RARB: variants seen among roughly 807,000 people sequenced by gnomAD.
RARB encodes HBV-activated protein.
RARB carries 17 observed loss-of-function variants against 51.9 expected under a neutral mutation model. That is an observed-to-expected ratio of 0.33 (90% CI 0.22 to 0.49). The LOEUF (loss-of-function observed/expected upper bound fraction) is 0.49. Ranked by LOEUF, RARB falls within the 20% of genes least tolerant of loss-of-function variation. The pLI, the probability that RARB is intolerant of heterozygous loss-of-function variation, is 0.99. For missense variants in RARB, 369 were observed against 550.8 expected, an observed-to-expected ratio of 0.67 and a Z score of 3.30; for synonymous variants, 215 against 195.4, an observed-to-expected ratio of 1.10 and a Z score of -0.84.
intron 5 of RARB, among the ~76,000 whole-genome samples, chr3:25,209,458 T>A (rs372367680): frequency 6.6e-6 from 1 of 152,242 alleles, no homozygotes; most frequent in African/African-American, 2.4e-5. Context: ...TCATACTTCA[T>A]GTCCATGAAG....
At chr3:25,409,233 GA>G (rs1393351670) in intron 5 of RARB, among the ~76,000 whole-genome samples, 1 of 151,798 alleles carries the variant, frequency 6.6e-6, no homozygotes, top group Admixed American at 6.6e-5. Flanking sequence ...ACTGACATAA[GA>G]AAAAAAATTT....
chr3:25,091,263 C>T (rs970820955), intron 3 of RARB, among the ~76,000 whole-genome samples: 4 of 152,120 alleles, frequency 2.6e-5, no homozygotes, highest in South Asian at 2.1e-4. Context: ...TGTCTGGATG[C>T]CTTCTGAGGT....
At chr3:25,243,316 A>T (rs983490973) in intron 5 of RARB, among the ~76,000 whole-genome samples, 8 of 152,126 alleles carry the variant, frequency 5.3e-5, no homozygotes, top group Non-Finnish European at 1.2e-4. Context: ...CTCTTGCCTG[A>T]TTGCCCTGAC....
chr3:24,856,220 C>T (rs1702632601), intron 1 of RARB, among the ~76,000 whole-genome samples: 1 of 152,098 alleles, frequency 6.6e-6, no homozygotes, highest in Non-Finnish European at 1.5e-5. Context: ...GCTCTAAGAC[C>T]TTCCCCCAAA....
At chr3:25,398,380 G>A (rs1015686293) in intron 5 of RARB, among the ~76,000 whole-genome samples, 1 of 152,098 alleles carries the variant, frequency 6.6e-6, no homozygotes, top group Non-Finnish European at 1.5e-5. Context: ...GCCACAATAA[G>A]GCTTTTAAAA....
intron 2 of RARB, among the ~76,000 whole-genome samples, chr3:25,476,523 A>G (rs192910901): frequency 4.5e-4 from 68 of 152,146 alleles, no homozygotes; most frequent in African/African-American, 1.5e-3. Flanking sequence ...TAGATTTAGG[A>G]AAAAAAATTG....
rs115620421 is a variant in RARB, at chr3:25,392,433, G to A, written c.179-68760G>A. Among the ~76,000 whole-genome samples, 835 of 152,118 alleles carry A rather than the reference G, an allele frequency of 5.5e-3. 4 individuals are homozygous for A. The highest frequency in any genetic ancestry group is 0.01 in the Non-Finnish European group (680 of 67,960). On this transcript the variant is annotated intron_variant, in intron 5 of 11. Transcript: ENST00000383772. ...ATATTTTAGTTGTGTGAAGAATGAT[G>A]ATGGTATTTTGATGGGATTTACATT...
At chr3:25,279,221 A>C (rs1703463742) in intron 5 of RARB, among the ~76,000 whole-genome samples, 1 of 152,180 alleles carries the variant, frequency 6.6e-6, no homozygotes, top group Non-Finnish European at 1.5e-5. Flanking sequence ...ATCAACACTG[A>C]AACTTGGATC....
At chr3:25,327,993 A>T (rs1279532707) in intron 5 of RARB, among the ~76,000 whole-genome samples, 1 of 152,258 alleles carries the variant, frequency 6.6e-6, no homozygotes, top group East Asian at 1.9e-4. Context: ...AAAAATACAC[A>T]GTACTTATAA....
intron 5 of RARB, among the ~76,000 whole-genome samples, chr3:25,269,799 T>A (rs180983763): frequency 2.0e-5 from 3 of 152,332 alleles, no homozygotes; most frequent in Non-Finnish European, 2.9e-5. Flanking sequence ...TAACAAAATT[T>A]GTATATACTC....
chr3:25,385,694 T>G (rs963470209), intron 5 of RARB, among the ~76,000 whole-genome samples: 2 of 152,140 alleles, frequency 1.3e-5, no homozygotes, highest in African/African-American at 4.8e-5. Context: ...TGATTGTTAG[T>G]TTTGCAGCAA....
intron 5 of RARB, among the ~76,000 whole-genome samples, chr3:25,237,082 C>T (rs897498902): frequency 6.6e-6 from 1 of 151,038 alleles, no homozygotes. Flanking sequence ...TAATTGCTAT[C>T]TTTCCATTTA....
At chr3:25,246,707 G>C (rs1475000243) in intron 5 of RARB, among the ~76,000 whole-genome samples, 2 of 152,088 alleles carry the variant, frequency 1.3e-5, no homozygotes. Flanking sequence ...GGTCCCAAAG[G>C]GGTGCCTGCC....
chr3:24,898,912 G>A (rs984160171), intron 2 of RARB, among the ~76,000 whole-genome samples: 1 of 152,122 alleles, frequency 6.6e-6, no homozygotes, highest in African/African-American at 2.4e-5. Context: ...CAGTAACAGA[G>A]GGCTCTTCTC....
At chr3:24,868,717 GT>G (rs1270236165) in intron 2 of RARB, among the ~76,000 whole-genome samples, 4 of 152,146 alleles carry the variant, frequency 2.6e-5, no homozygotes, top group African/African-American at 9.7e-5. Flanking sequence ...GACTTCACTT[GT>G]GTGATAAAAC....
At position 25,341,691 on chromosome 3, in the gene RARB, C is replaced by A. The variant is rs181870286; in HGVS notation, c.179-119502C>A. Among the ~76,000 whole-genome samples, 265 of 152,128 alleles carry A rather than the reference C, an allele frequency of 1.7e-3. 1 individual carries two copies. Among genetic ancestry groups the A allele is most frequent in the African/African-American group, 5.9e-3 (245 of 41,498 alleles). On this transcript the variant is annotated intron_variant, in intron 5 of 11. Coordinates refer to the RARB transcript ENST00000383772. ...TGTTTAGAACTACTTTTGGTTGTCA[C>A]AACTGGAAGGGGAAAGCCACCGGTA...
chr3:25,392,741 A>G (rs1212229102), intron 5 of RARB, among the ~76,000 whole-genome samples: 1 of 152,082 alleles, frequency 6.6e-6, no homozygotes, highest in Admixed American at 6.6e-5. Flanking sequence ...TTGATTTTGT[A>G]TCCCAAAACT....
At chr3:24,958,759 C>T (rs1243633817) in intron 2 of RARB, among the ~76,000 whole-genome samples, 1 of 152,154 alleles carries the variant, frequency 6.6e-6, no homozygotes, top group Non-Finnish European at 1.5e-5. Context: ...TGAGATAAGT[C>T]TTTGGCCATG....
chr3:24,996,314 T>C (rs1697037715), intron 2 of RARB, among the ~76,000 whole-genome samples: 1 of 152,084 alleles, frequency 6.6e-6, no homozygotes, highest in Non-Finnish European at 1.5e-5. Context: ...TGTCCATTTT[T>C]TAATTTCTGA....
Sources: allele counts gnomAD v4.1 joint callset (sites outside exome capture counted in the v4.1 genomes callset), GRCh38; gene constraint gnomAD v4.1.1; transcripts MANE v1.5; gene names NCBI Gene and HGNC (gene_info 2026-07-23, HGNC 2026-07-21).